ITPR1: variants seen among roughly 807,000 people sequenced by gnomAD.
ITPR1 encodes inositol 1,4,5-trisphosphate-gated calcium channel ITPR1.
Under a neutral mutation model 318.4 loss-of-function variants are expected in ITPR1, and 96 were observed. That is an observed-to-expected ratio of 0.30 (90% confidence interval 0.26 to 0.36). The LOEUF is 0.36. ITPR1 is among the 10% of genes least tolerant of loss of function. The probability of loss-of-function intolerance (pLI) is 1.00; values close to 1 mark genes in which losing one functional copy is unlikely to be tolerated. For missense variants in ITPR1, 2,440 were observed against 3,460.2 expected (o/e 0.71, Z 7.40); for synonymous variants, 1,312 against 1,289.9 (o/e 1.02, Z -0.37).
At chr3:4,784,574 T>TG (rs2047049577) in intron 51 of ITPR1, among the ~76,000 whole-genome samples, 1 of 146,586 alleles carries the variant, frequency 6.8e-6, no homozygotes, top group Non-Finnish European at 1.5e-5. Flanking sequence ...TTGTTTTTTT[T>TG]TTTTTTTTAA....
chr3:4,585,273 G>A (rs768017387), intron 4 of ITPR1, among the ~76,000 whole-genome samples: 1 of 152,152 alleles, frequency 6.6e-6, no homozygotes, highest in Non-Finnish European at 1.5e-5. Flanking sequence ...TCTCTATATA[G>A]AATATACAGA....
At chr3:4,632,450 A>G (rs1434115081) in intron 5 of ITPR1, among the ~76,000 whole-genome samples, 2 of 152,160 alleles carry the variant, frequency 1.3e-5, no homozygotes, top group Non-Finnish European at 2.9e-5. Context: ...GGAGAGTCCC[A>G]TGGGTGGGTC....
intron 4 of ITPR1, among the ~76,000 whole-genome samples, chr3:4,535,446 T>TA (rs2083775509): frequency 7.3e-6 from 1 of 136,596 alleles, no homozygotes; most frequent in Non-Finnish European, 1.6e-5. Flanking sequence ...TTTTTAATTT[T>TA]TTTTTTTTTT....
At chr3:4,814,979 G>A in intron 58 of ITPR1, 74 bp from the exon 59 acceptor site, 1 of 1,273,902 alleles carries the variant, frequency 7.8e-7, no homozygotes, top group Non-Finnish European at 1.1e-6. Context: ...GGTCTCACTT[G>A]AGCTGTGCCC....
intron 23 of ITPR1, among the ~76,000 whole-genome samples, chr3:4,675,531 T>G (rs771540190): frequency 1.3e-5 from 2 of 152,276 alleles, no homozygotes; most frequent in African/African-American, 2.4e-5. Flanking sequence ...TATGTGTTTA[T>G]GTATGAGTCG....
chr3:4,672,933 C>G (rs1453437393), intron 20 of ITPR1, among the ~76,000 whole-genome samples: 1 of 152,206 alleles, frequency 6.6e-6, no homozygotes, highest in Non-Finnish European at 1.5e-5. Flanking sequence ...AACCCACACT[C>G]TACTGCACAG....
At chr3:4,647,476 T>C (rs1024726721) in intron 10 of ITPR1, among the ~76,000 whole-genome samples, 2 of 152,226 alleles carry the variant, frequency 1.3e-5, no homozygotes, top group African/African-American at 2.4e-5. Context: ...TGGCATGGTA[T>C]GGTATGGCAT....
At chr3:4,768,802 G>T (rs781202151) in intron 46 of ITPR1, 38 bp downstream of exon 46, 12 of 1,579,682 alleles carry the variant, frequency 7.6e-6, no homozygotes, top group Middle Eastern at 1.7e-4. Flanking sequence ...GGGAGCTCGG[G>T]AAAGGCTGCC....
At chr3:4,770,477 G>T (rs2046115588) in intron 46 of ITPR1, among the ~76,000 whole-genome samples, 1 of 152,192 alleles carries the variant, frequency 6.6e-6, no homozygotes. Context: ...TCTGACTCAT[G>T]TTGGAAAGTG....
At chr3:4,768,873 G>C in intron 46 of ITPR1, 109 bp downstream of exon 46, 4 of 1,093,746 alleles carry the variant, frequency 3.7e-6, no homozygotes, top group Non-Finnish European at 5.3e-6. Context: ...CTTGAGCCAA[G>C]GATCCAGCAA....
intron 29 of ITPR1, among the ~76,000 whole-genome samples, chr3:4,684,601 A>G (rs1214325707): frequency 6.6e-6 from 1 of 152,206 alleles, no homozygotes; most frequent in Non-Finnish European, 1.5e-5. Flanking sequence ...TAGGCACCGC[A>G]TATTTCTGAA....
At chr3:4,769,946 T>C (rs1411032207) in intron 46 of ITPR1, among the ~76,000 whole-genome samples, 3 of 152,212 alleles carry the variant, frequency 2.0e-5, no homozygotes, top group Non-Finnish European at 4.4e-5. Flanking sequence ...TCCCTGGCTT[T>C]TGCCTGGGTT....
intron 36 of ITPR1, among the ~76,000 whole-genome samples, chr3:4,705,017 C>T (rs571795555): frequency 1.2e-4 from 18 of 151,424 alleles, no homozygotes; most frequent in African/African-American, 2.4e-4. Flanking sequence ...GTTTTTTTTC[C>T]GCTAAATTGT....
intron 6 of ITPR1, among the ~76,000 whole-genome samples, chr3:4,641,283 G>A (rs1575850450): frequency 6.6e-6 from 1 of 152,248 alleles, no homozygotes; most frequent in East Asian, 1.9e-4. Flanking sequence ...TATTCCTCAT[G>A]TAATTATTAC....
At chr3:4,564,677 C>T (rs918680007) in intron 4 of ITPR1, among the ~76,000 whole-genome samples, 1 of 152,168 alleles carries the variant, frequency 6.6e-6, no homozygotes, top group Admixed American at 6.5e-5. Flanking sequence ...GGGCCCTCAC[C>T]TGACTCTGAA....
intron 37 of ITPR1, among the ~76,000 whole-genome samples, chr3:4,708,409 G>A (rs1007532342): frequency 2.0e-5 from 3 of 152,134 alleles, no homozygotes; most frequent in Non-Finnish European, 4.4e-5. Context: ...AGGAAGCTGG[G>A]GAGGCTGGCG....
At chr3:4,504,458 C>T (rs1055909395) in intron 2 of ITPR1, among the ~76,000 whole-genome samples, 2 of 152,132 alleles carry the variant, frequency 1.3e-5, no homozygotes, top group Non-Finnish European at 1.5e-5. Context: ...TGCCTGAAAA[C>T]GAAAGCATAA....
rs2093820776 is a variant in ITPR1, at chr3:4,661,012, C to G, written c.1176C>G (p.His392Gln). Reference protein sequence around the residue: ...VPRNSYVRLRHLCTNTWVHST... With the variant: ...VPRNSYVRLRQLCTNTWVHST... ...GGAACTCTTATGTTCGGCTCAGACACCTATGTACTAATACCTGGGTTCACA... is the reference window on the plus strand; with the variant it reads ...GGAACTCTTATGTTCGGCTCAGACAGCTATGTACTAATACCTGGGTTCACA... Residue 392 changes from histidine (H) to glutamine (Q), a missense_variant, in exon 14 of 62, where the codon CAC (histidine) becomes CAG (glutamine). This residue lies in a region of ITPR1 where 101 missense variants were observed against 119.6 expected (regional missense o/e 0.84). Transcript: ENST00000649015. 1 of 1,605,386 alleles carries G rather than the reference C, an allele frequency of 6.2e-7. No homozygotes were observed. The highest frequency in any genetic ancestry group is 1.7e-4 in the Middle Eastern group (1 of 6,032).
In ITPR1 at chr3:4,735,214, G is replaced by C; in HGVS notation, c.5404G>C (p.Glu1802Gln). 3 of 1,613,978 alleles carry C rather than the reference G, an allele frequency of 1.9e-6. No individual in the cohort carries two copies. Among genetic ancestry groups the C allele is most frequent in the African/African-American group, 1.3e-5 (1 of 75,040 alleles). The change falls in exon 44 of 62, where the codon GAG becomes CAG. Residue 1802 changes from glutamate (E) to glutamine (Q), a missense_variant. Physicochemically the swap from Glu to Gln is conservative, Grantham distance 29. Around this residue, in one of 23 missense-constraint regions of ITPR1, gnomAD observed 166 missense variants for 143.7 expected, o/e 1.16. Coordinates refer to ENST00000649015, the MANE Select transcript of ITPR1 (RefSeq NM_001378452.1). Reference protein sequence around the residue: ...SMSRGEMSLAEVQCHLDKEGA... With the variant: ...SMSRGEMSLAQVQCHLDKEGA... Reference sequence around the variant, plus strand: ...GAGCAGGGGTGAGATGAGTCTGGCCGAGGTTCAGTGTCACCTTGACAAGGA... The same window carrying C: ...GAGCAGGGGTGAGATGAGTCTGGCCCAGGTTCAGTGTCACCTTGACAAGGA...
Sources: allele counts gnomAD v4.1 joint callset (sites outside exome capture counted in the v4.1 genomes callset), GRCh38; gene constraint gnomAD v4.1.1; regional missense constraint gnomAD v4.1.1; transcripts MANE v1.5; gene names NCBI Gene and HGNC (gene_info 2026-07-23, HGNC 2026-07-21).